The following USH2A variants were observed in gnomAD, a reference collection of about 807,000 sequenced individuals.
USH2A encodes Usher syndrome 2A (autosomal recessive, mild).
In USH2A, 443 loss-of-function variants were observed where a neutral mutation model predicts 538.9. That is an observed-to-expected ratio of 0.82 (90% CI 0.76 to 0.89). The LOEUF is 0.89. USH2A is among the 40% of genes least tolerant of loss of function. The pLI is 0.00. For synonymous variants in USH2A, 2,413 were observed against 2,273.5 expected (o/e 1.06, Z -1.75); for missense variants, 6,633 against 6,324.8 (o/e 1.05, Z -1.65).
At chr1:215,821,088 C>A (rs1388430814) in intron 47 of USH2A, among the ~76,000 whole-genome samples, 3 of 151,680 alleles carry the variant, frequency 2.0e-5, no homozygotes, top group Non-Finnish European at 4.4e-5. Context: ...GTTTTCCTTT[C>A]TTTTGGATAT....
intron 40 of USH2A, among the ~76,000 whole-genome samples, chr1:215,891,587 G>A (rs1030789017): frequency 2.0e-5 from 3 of 152,174 alleles, no homozygotes; most frequent in African/African-American, 7.2e-5. Flanking sequence ...GAAAAGTTAT[G>A]CTCACAGCAG....
chr1:215,835,993 C>T (rs1663468739), intron 47 of USH2A, among the ~76,000 whole-genome samples: 1 of 151,866 alleles, frequency 6.6e-6, no homozygotes, highest in South Asian at 2.1e-4. Context: ...AAATATTTGT[C>T]CTCTGTTATT....
At chr1:215,903,752 G>C (rs553287961) in intron 38 of USH2A, among the ~76,000 whole-genome samples, 4 of 152,186 alleles carry the variant, frequency 2.6e-5, no homozygotes, top group African/African-American at 9.6e-5. Flanking sequence ...AAAAGCAAAG[G>C]CTCAGTGACA....
chr1:216,401,368 A>G (rs980303745), intron 3 of USH2A, among the ~76,000 whole-genome samples: 1 of 152,106 alleles, frequency 6.6e-6, no homozygotes, highest in Admixed American at 6.5e-5. Flanking sequence ...GTCAGAAAAG[A>G]GAAATGCAGA....
chr1:215,874,791 TA>T (rs1173750665), intron 43 of USH2A, among the ~76,000 whole-genome samples: 1 of 152,176 alleles, frequency 6.6e-6, no homozygotes, highest in Non-Finnish European at 1.5e-5. Context: ...ATGCAGACGT[TA>T]AGTTAAGAAG....
chr1:216,060,107 G>T (rs1306415184), intron 30 of USH2A, among the ~76,000 whole-genome samples: 1 of 152,174 alleles, frequency 6.6e-6, no homozygotes, highest in Non-Finnish European at 1.5e-5. Context: ...TGCAAGCCTA[G>T]CAGGTGAAAG....
intron 29 of USH2A, 101 bp downstream of exon 29, chr1:216,072,788 A>G: frequency 1.7e-6 from 2 of 1,204,884 alleles, no homozygotes; most frequent in Non-Finnish European, 2.5e-6. Context: ...GAAGACTACA[A>G]AAATATTACT....
chr1:215,894,728 T>C (rs1665283939), intron 40 of USH2A, among the ~76,000 whole-genome samples: 1 of 152,102 alleles, frequency 6.6e-6, no homozygotes, highest in African/African-American at 2.4e-5. Flanking sequence ...GAATCACTTT[T>C]GGGATGTCCC....
At chr1:216,384,425 C>T (rs945363226) in intron 3 of USH2A, among the ~76,000 whole-genome samples, 120 of 151,810 alleles carry the variant, frequency 7.9e-4, no homozygotes, top group African/African-American at 2.8e-3. Flanking sequence ...ACTATTTTGC[C>T]CATAAAATTA....
chr1:216,197,330 G>A (rs1433038833), intron 18 of USH2A, among the ~76,000 whole-genome samples: 1 of 152,140 alleles, frequency 6.6e-6, no homozygotes, highest in Non-Finnish European at 1.5e-5. Flanking sequence ...AACCAAAGGT[G>A]TATTATCAAA....
intron 40 of USH2A, 100 bp from the exon 41 acceptor site, chr1:215,889,154 ATGAACAC>A: frequency 4.9e-6 from 7 of 1,415,738 alleles, no homozygotes; most frequent in Non-Finnish European, 6.8e-6. Flanking sequence ...GGATATGAAA[ATGAACAC>A]TTGGTAAAGG....
At chr1:216,259,861 AG>A (rs1265519217) in intron 11 of USH2A, among the ~76,000 whole-genome samples, 2 of 152,118 alleles carry the variant, frequency 1.3e-5, no homozygotes. Flanking sequence ...TAATGAGACC[AG>A]CAGAGAAAAC....
rs536181325 is a variant in USH2A, at chr1:215,934,808, GA to G, written c.7121-14del. 1.7e-4 allele frequency: 268 copies of G among 1,594,884 alleles called. 1 individual carries two copies. The East Asian group carries it at 5.8e-3, about 34-fold the overall frequency. Reference sequence around the variant, plus strand: ...TAGTTATTACCTACTGATTAAAAAAGAAAATTATTAAAATAAATACATATTT... The same window carrying G: ...TAGTTATTACCTACTGATTAAAAAAGAAATTATTAAAATAAATACATATTT... On this transcript the variant is annotated splice_polypyrimidine_tract_variant and intron_variant, in intron 37 of 71. Transcript: ENST00000307340.
At chr1:215,669,218 C>A (rs971185466) in intron 64 of USH2A, among the ~76,000 whole-genome samples, 1 of 152,110 alleles carries the variant, frequency 6.6e-6, no homozygotes, top group Admixed American at 6.6e-5. Flanking sequence ...TCATCCAGCT[C>A]TCTCACGAAG....
At chr1:216,038,317 T>A (rs149761900) in intron 32 of USH2A, among the ~76,000 whole-genome samples, 94 of 152,170 alleles carry the variant, frequency 6.2e-4, no homozygotes, top group Middle Eastern at 6.8e-3. Context: ...TTTACTGAAT[T>A]CATGTTGCCC....
At chr1:215,798,762 G>T in intron 50 of USH2A, 145 bp downstream of exon 50, 1 of 960,032 alleles carries the variant, frequency 1.0e-6, no homozygotes, top group Non-Finnish European at 1.6e-6. Context: ...ATTGTTATGT[G>T]TTAAACAATA....
chr1:216,396,822 A>G (rs958034239), intron 3 of USH2A, among the ~76,000 whole-genome samples: 1 of 152,234 alleles, frequency 6.6e-6, no homozygotes, highest in Non-Finnish European at 1.5e-5. Flanking sequence ...AGTTGCCTCA[A>G]AAAGACATAT....
intron 35 of USH2A, among the ~76,000 whole-genome samples, chr1:215,978,628 C>A (rs1667677628): frequency 6.6e-6 from 1 of 152,086 alleles, no homozygotes; most frequent in Admixed American, 6.6e-5. Flanking sequence ...AAGGGTTAAA[C>A]AAGGATCATA....
chr1:215,676,381 G>C (rs545579276), intron 62 of USH2A, among the ~76,000 whole-genome samples: 1 of 152,094 alleles, frequency 6.6e-6, no homozygotes, highest in African/African-American at 2.4e-5. Flanking sequence ...TGGGAAGTAA[G>C]TTAATCTGAA....
Sources: gnomAD v4.1 joint callset for allele counts (sites outside exome capture counted in the v4.1 genomes callset) on GRCh38, gnomAD v4.1.1 for gene constraint, MANE v1.5 for transcripts, NCBI Gene and HGNC (gene_info 2026-07-23, HGNC 2026-07-21) for gene names.